The following RHOJ variants were observed in gnomAD, a reference collection of about 807,000 sequenced individuals.
The protein encoded by RHOJ is ras homolog family member J.
Under a neutral mutation model 23.4 loss-of-function variants are expected in RHOJ, and 11 were observed. That is an observed-to-expected ratio of 0.47 (90% CI 0.30 to 0.78). The LOEUF is 0.78. RHOJ is among the 30% of genes least tolerant of loss of function. RHOJ has a pLI of 0.08. For synonymous variants in RHOJ, 102 were observed against 102.7 expected (o/e 0.99, Z 0.04); for missense variants, 254 against 273.4 (o/e 0.93, Z 0.50).
intron 2 of RHOJ, among the ~76,000 whole-genome samples, chr14:63,279,678 T>C (rs1227671261): frequency 6.6e-6 from 1 of 152,198 alleles, no homozygotes; most frequent in African/African-American, 2.4e-5. Context: ...CTGAAAAATC[T>C]TTAGAAAGAA....
At chr14:63,269,978 C>T (rs1256892729) in intron 2 of RHOJ, among the ~76,000 whole-genome samples, 1 of 152,152 alleles carries the variant, frequency 6.6e-6, no homozygotes, top group East Asian at 1.9e-4. Context: ...AACTGATGGC[C>T]GTAGCCCAAT....
At chr14:63,221,296 C>G (rs1894489025) in intron 1 of RHOJ, among the ~76,000 whole-genome samples, 2 of 152,262 alleles carry the variant, frequency 1.3e-5, no homozygotes, top group Admixed American at 1.3e-4. Context: ...AGCCACTGAA[C>G]TGAGCTTGGG....
intron 4 of RHOJ, among the ~76,000 whole-genome samples, chr14:63,289,416 T>C (rs1224195466): frequency 1.3e-5 from 2 of 152,238 alleles, no homozygotes; most frequent in African/African-American, 2.4e-5. Flanking sequence ...AGGCCTATGA[T>C]TTTGCTACCT....
intron 1 of RHOJ, among the ~76,000 whole-genome samples, chr14:63,217,578 A>G (rs943599052): frequency 3.3e-5 from 5 of 152,136 alleles, no homozygotes; most frequent in African/African-American, 1.2e-4. Context: ...ACCTAAAACC[A>G]TAAAAACCCT....
At chr14:63,259,437 T>A (rs1457969861) in intron 1 of RHOJ, among the ~76,000 whole-genome samples, 1 of 152,212 alleles carries the variant, frequency 6.6e-6, no homozygotes, top group Admixed American at 6.5e-5. Flanking sequence ...TTTGAAACTC[T>A]CCTTAAGAGG....
intron 1 of RHOJ, among the ~76,000 whole-genome samples, chr14:63,254,978 C>A (rs759113704): frequency 3.9e-5 from 6 of 152,188 alleles, no homozygotes; most frequent in Non-Finnish European, 7.3e-5. Context: ...CTTTTCCCAG[C>A]CTTCTTGGCC....
At position 63,262,850 on chromosome 14, in the gene RHOJ, G is replaced by A. The variant is rs1009282680; in HGVS notation, c.179-6260G>A. ...CTCAAGGATCTTCCTGTCCAGTGGG[G>A]AATATCAGACAGATCTAAATACCTA... On this transcript the variant is annotated intron_variant, in intron 1 of 4. Coordinates refer to ENST00000316754, the MANE Select transcript of RHOJ (RefSeq NM_020663.5). Among the ~76,000 whole-genome samples the A allele has an allele frequency of 2.0e-5, 3 of 152,220 alleles. No individual in the cohort carries two copies. In the East Asian group the frequency reaches 5.8e-4, roughly 29 times the overall value.
intron 1 of RHOJ, among the ~76,000 whole-genome samples, chr14:63,257,059 G>A (rs768153296): frequency 1.5e-5 from 2 of 133,832 alleles, no homozygotes; most frequent in Admixed American, 7.3e-5. Context: ...GTGATAGAGC[G>A]TGACTCTGTC....
intron 4 of RHOJ, 181 bp downstream of exon 4, chr14:63,283,397 T>G (rs1342154360): frequency 1.2e-5 from 7 of 592,064 alleles, no homozygotes; most frequent in Non-Finnish European, 2.1e-5. Context: ...TTGGTTAGCC[T>G]TCTTGTCAGC....
rs539423957 is a variant in RHOJ, at chr14:63,283,641, G to T, written c.498+425G>T. ...TGGGAGAGACTTGGGTTAGCATCTG[G>T]CAGGGTTATATTTGTCCAGTATTTC... On this transcript the variant is annotated intron_variant, in intron 4 of 4. Transcript: ENST00000316754. Among the ~76,000 whole-genome samples, 9 of 152,208 alleles carry T rather than the reference G, an allele frequency of 5.9e-5. No individual in the cohort carries two copies. In the South Asian group the frequency reaches 1.9e-3, roughly 32 times the overall value.
At chr14:63,267,019 A>G (rs1895380812) in intron 1 of RHOJ, among the ~76,000 whole-genome samples, 2 of 152,066 alleles carry the variant, frequency 1.3e-5, no homozygotes, top group African/African-American at 4.8e-5. Flanking sequence ...CACAGTGCCC[A>G]TGCTTTACCA....
At chr14:63,222,605 T>C (rs1894518647) in intron 1 of RHOJ, among the ~76,000 whole-genome samples, 1 of 152,270 alleles carries the variant, frequency 6.6e-6, no homozygotes. Flanking sequence ...ATGTGTCTGT[T>C]GGCTGTGTAA....
intron 1 of RHOJ, among the ~76,000 whole-genome samples, chr14:63,214,175 A>G (rs894987061): frequency 1.3e-5 from 2 of 152,244 alleles, no homozygotes; most frequent in Non-Finnish European, 2.9e-5. Flanking sequence ...CTTACTTGTT[A>G]AAAATGCAGA....
chr14:63,222,807 T>C (rs1208545764), intron 1 of RHOJ, among the ~76,000 whole-genome samples: 1 of 152,272 alleles, frequency 6.6e-6, no homozygotes. Flanking sequence ...TTTCTTTTGC[T>C]GTGCAGAAGC....
chr14:63,216,337 G>GA (rs965864665), intron 1 of RHOJ, among the ~76,000 whole-genome samples: 1 of 152,092 alleles, frequency 6.6e-6, no homozygotes, highest in African/African-American at 2.4e-5. Context: ...TAATTAAGAG[G>GA]AAAAATAATC....
chr14:63,257,311 T>G (rs1895187857), intron 1 of RHOJ, among the ~76,000 whole-genome samples: 1 of 144,180 alleles, frequency 6.9e-6, no homozygotes. Flanking sequence ...CTGACCCCTA[T>G]CCACTCAAGA....
At chr14:63,206,002 GAAT>G (rs760237773) in intron 1 of RHOJ, among the ~76,000 whole-genome samples, 33 of 152,272 alleles carry the variant, frequency 2.2e-4, no homozygotes, top group Non-Finnish European at 2.9e-4. Flanking sequence ...GAGACCTTGT[GAAT>G]GGAAAATTTC....
chr14:63,244,815 T>A (rs1046598340), intron 1 of RHOJ, among the ~76,000 whole-genome samples: 1 of 152,224 alleles, frequency 6.6e-6, no homozygotes, highest in Non-Finnish European at 1.5e-5. Context: ...TACTTAAAAA[T>A]TAATTTTCAA....
At chr14:63,234,921 A>G (rs1055002823) in intron 1 of RHOJ, among the ~76,000 whole-genome samples, 2 of 152,184 alleles carry the variant, frequency 1.3e-5, no homozygotes, top group African/African-American at 2.4e-5. Context: ...CCCGTTAAAG[A>G]AATTAGTTCC....
Sources: allele counts gnomAD v4.1 joint callset (sites outside exome capture counted in the v4.1 genomes callset), GRCh38; gene constraint gnomAD v4.1.1; transcripts MANE v1.5; gene names NCBI Gene and HGNC (gene_info 2026-07-23, HGNC 2026-07-21).